Variants in FLT4 observed in about 807,000 individuals in gnomAD.
FLT4 encodes fms related receptor tyrosine kinase 4, also known as vascular endothelial growth factor receptor 3.
A neutral mutation model predicts 163.2 loss-of-function variants in FLT4; 30 were observed. The ratio of observed to expected loss-of-function variants is 0.18; its 90% CI spans 0.14 to 0.25. The LOEUF (loss-of-function observed/expected upper bound fraction) is 0.25, where lower values mean the gene tolerates loss of function less well. Ranked by LOEUF, FLT4 falls within the 10% of genes least tolerant of loss-of-function variation. The pLI is 1.00. For synonymous variants in FLT4, 884 were observed against 789.5 expected (o/e 1.12, Z -2.01); for missense variants, 1,510 against 1,863.8 (o/e 0.81, Z 3.50).
Position 180,626,269 on chromosome 5 carries a change from G to A in FLT4, c.1104-4C>T. ...CAGTGCCTTTCCATCCTTGTACCTG[G>A]CCAGGGAAGGGAGGTCAGGGCCCAT... On this transcript the variant is annotated splice_region_variant and splice_polypyrimidine_tract_variant and intron_variant, in intron 8 of 29. Coordinates refer to ENST00000261937, the MANE Select transcript of FLT4 (RefSeq NM_182925.5). The A allele has an allele frequency of 6.2e-7, 1 of 1,611,606 alleles. No individual in the cohort carries two copies. Among genetic ancestry groups the A allele is most frequent in the Non-Finnish European group, 8.5e-7 (1 of 1,179,968 alleles).
intron 1 of FLT4, among the ~76,000 whole-genome samples, chr5:180,648,195 G>C (rs944666984): frequency 5.9e-5 from 9 of 152,228 alleles, no homozygotes; most frequent in Non-Finnish European, 1.0e-4. Context: ...GGGTCCAGGA[G>C]GGCCAAGGGC....
intron 1 of FLT4, among the ~76,000 whole-genome samples, chr5:180,646,140 G>T (rs913057715): frequency 6.6e-6 from 1 of 152,016 alleles, no homozygotes; most frequent in Non-Finnish European, 1.5e-5. Context: ...ATCTGGCCGG[G>T]TGCATCAGCT....
At chr5:180,610,105 C>T in intron 27 of FLT4, 80 bp from the exon 28 acceptor site, 1 of 1,602,250 alleles carries the variant, frequency 6.2e-7, no homozygotes, top group Middle Eastern at 1.7e-4. Context: ...CCCTGTGCCC[C>T]CTCTTCTCCT....
chr5:180,609,772 C>T, intron 28 of FLT4, 133 bp downstream of exon 28: 1 of 1,120,716 alleles, frequency 8.9e-7, no homozygotes, highest in Non-Finnish European at 1.3e-6. Flanking sequence ...GCCCAAGGCT[C>T]ACCCTGGACT....
chr5:180,619,230 C>G, intron 19 of FLT4, 23 bp downstream of exon 19: 1 of 1,558,562 alleles, frequency 6.4e-7, no homozygotes, highest in South Asian at 1.2e-5. Flanking sequence ...TCTCGCCGTC[C>G]CAGCGGGCCG....
intron 21 of FLT4, 68 bp downstream of exon 21, chr5:180,618,702 G>GTTACCCTA (rs1762866217): frequency 1.3e-5 from 20 of 1,538,182 alleles, no homozygotes; most frequent in Non-Finnish European, 1.8e-5. Context: ...CCCAGGCTGG[G>GTTACCCTA]GTGCCTGATC....
chr5:180,620,245 G>A lies in FLT4; in HGVS notation c.2470C>T (p.Leu824=), dbSNP rs796052104. 6.2e-7 allele frequency: 1 copy of A among 1,612,146 alleles called. No homozygotes were observed. Among genetic ancestry groups the A allele is most frequent in the Non-Finnish European group, 8.5e-7 (1 of 1,179,978 alleles). ...SIIMDPGEVP[L]EEQCEYLSYD... is the part of the protein sequence containing the mutation. ...GACAGGTATTCGCATTGCTCCTCCA[G>A]AGGCACCTCCCCGGGGTCCATGATG... The change falls in exon 17 of 30, where the codon CTG becomes TTG. Residue 824 remains leucine, a synonymous_variant. Transcript: ENST00000261937. The surrounding 1 kb of genome is among the most constrained non-coding windows in gnomAD (Gnocchi z 4.4).
intron 8 of FLT4, among the ~76,000 whole-genome samples, chr5:180,628,477 T>C (rs1316061897): frequency 6.6e-6 from 1 of 152,186 alleles, no homozygotes; most frequent in African/African-American, 2.4e-5. Flanking sequence ...CATCTCCAAA[T>C]TTCTGGACAG....
rs1763041174 is a variant in FLT4, at chr5:180,620,505, G to C, written c.2406+104C>G. ...GCAGGGAGGCTTCCCAGGAAACAAGGCTGCCAGGTGAACTAGGGCGGGCAC... is the reference window on the plus strand; with the variant it reads ...GCAGGGAGGCTTCCCAGGAAACAAGCCTGCCAGGTGAACTAGGGCGGGCAC... On this transcript the variant is annotated intron_variant, in intron 16 of 29. Transcript: ENST00000261937. This position sits in a 1 kb window ranked among gnomAD's most constrained non-coding sequence, Gnocchi z 4.4. The C allele has an allele frequency of 2.5e-6, 3 of 1,190,890 alleles. No homozygotes were observed. In the East Asian group the frequency reaches 7.3e-5, roughly 29 times the overall value. The allele number at this position is 1,190,890 out of a possible 1,614,324, so 73.8% of individuals were successfully genotyped here. A position where few individuals can be genotyped will look rare whatever the true frequency, so the allele number is the denominator to read the frequency against.
At chr5:180,617,019 C>T (rs763309455) in intron 21 of FLT4, 25 bp from the exon 22 acceptor site, 32 of 1,573,426 alleles carry the variant, frequency 2.0e-5, no homozygotes, top group Non-Finnish European at 2.5e-5. Flanking sequence ...CAGGTGGGCT[C>T]AGGAGGCGCC....
chr5:180,622,627 A>T, intron 12 of FLT4, 104 bp downstream of exon 12: 1 of 743,078 alleles, frequency 1.3e-6, no homozygotes, highest in Non-Finnish European at 2.4e-6. Context: ...TAGGCCTTGG[A>T]TCTCTCTCCT....
rs2127839839 is a variant in FLT4, at chr5:180,630,953, G to A, written c.156-154C>T. 6.6e-6 allele frequency among the ~76,000 whole-genome samples: 1 copy of A among 152,176 alleles called. No individual in the cohort carries two copies. The highest frequency in any genetic ancestry group is 6.5e-5 in the Admixed American group (1 of 15,294). Reference sequence around the variant, plus strand: ...GCGCACACTACAGACCGTGCCCAGGGCAGGGCACTCCCCGACCCCCGGGCC... The same window carrying A: ...GCGCACACTACAGACCGTGCCCAGGACAGGGCACTCCCCGACCCCCGGGCC... On this transcript the variant is annotated intron_variant, in intron 2 of 29. Coordinates refer to ENST00000261937, the MANE Select transcript of FLT4 (RefSeq NM_182925.5). This position sits in a 1 kb window ranked among gnomAD's most constrained non-coding sequence, Gnocchi z 6.3.
chr5:180,630,913 C>G lies in FLT4; in HGVS notation c.156-114G>C, dbSNP rs1764070116. 11 of 1,311,514 alleles carry G rather than the reference C, an allele frequency of 8.4e-6. 1 individual carries two copies. The South Asian group carries it at 1.6e-4, about 19-fold the overall frequency. The allele number at this position is 1,311,514 out of a possible 1,614,324, so 81.2% of individuals were successfully genotyped here. The stretch of plus-strand genomic sequence containing the variant: ...GGTTTGTCTTACCCAGAGCATGGAA[C>G]TGCCCAGGGTTTGGGCGCACACTAC... On this transcript the variant is annotated intron_variant, in intron 2 of 29. Transcript: ENST00000261937. This position sits in a 1 kb window ranked among gnomAD's most constrained non-coding sequence, Gnocchi z 6.3.
At chr5:180,614,247 G>A in intron 23 of FLT4, 68 bp from the exon 24 acceptor site, 1 of 1,049,434 alleles carries the variant, frequency 9.5e-7, no homozygotes, top group Non-Finnish European at 1.5e-6. Context: ...TCCCGTGGTG[G>A]ATGGGGAGAC....
intron 24 of FLT4, 190 bp from the exon 25 acceptor site, chr5:180,613,300 C>G (rs941961479): frequency 3.6e-6 from 2 of 548,910 alleles, no homozygotes; most frequent in African/African-American, 3.8e-5. Context: ...GCTGCCCTCC[C>G]CAGCTCTAGT....
chr5:180,634,846 A>G (rs1205818690), intron 1 of FLT4, among the ~76,000 whole-genome samples: 2 of 61,098 alleles, frequency 3.3e-5, no homozygotes, highest in Admixed American at 1.7e-4. Flanking sequence ...GGATGCATGG[A>G]TGGATGGAAG....
chr5:180,644,997 A>C (rs935482985), intron 1 of FLT4, among the ~76,000 whole-genome samples: 1 of 152,210 alleles, frequency 6.6e-6, no homozygotes, highest in African/African-American at 2.4e-5. Context: ...AGGGTGGGCG[A>C]AAGGCCATGG....
rs1172685620 is a variant in FLT4, at chr5:180,619,009, C to G, written c.2850+12G>C. Reference sequence around the variant, plus strand: ...CCCGCCGCCCGCGGCGCCCCGCAGGCCGCCCGCTCACCGCGCAGGGGCTGA... The same window carrying G: ...CCCGCCGCCCGCGGCGCCCCGCAGGGCGCCCGCTCACCGCGCAGGGGCTGA... On this transcript the variant is annotated intron_variant, in intron 20 of 29. Transcript: ENST00000261937. 2.6e-6 allele frequency: 4 copies of G among 1,547,444 alleles called. No individual in the cohort carries two copies. The Admixed American group carries it at 6.0e-5, about 23-fold the overall frequency.
rs961306998 is a variant in FLT4 at position 180,636,845 on chromosome 5, C to G, written c.59-5067G>C. Among the ~76,000 whole-genome samples the G allele has an allele frequency of 9.2e-5, 14 of 152,062 alleles. 1 individual carries two copies. The highest frequency in any genetic ancestry group is 5.2e-4 in the Admixed American group (8 of 15,270). On this transcript the variant is annotated intron_variant, in intron 1 of 29. Coordinates refer to ENST00000261937, the MANE Select transcript of FLT4 (RefSeq NM_182925.5). The surrounding 1 kb of genome is among the most constrained non-coding windows in gnomAD (Gnocchi z 4.3). ...CCTTGGTGCCCTCCCGGTGCTGCCC[C>G]GTCCTGGTGCGTGGGGTCCGCAGCC... is the stretch of plus-strand genomic sequence containing the variant.
Sources: gnomAD v4.1 joint callset for allele counts (sites outside exome capture counted in the v4.1 genomes callset) on GRCh38, gnomAD v4.1.1 for gene constraint, Gnocchi (gnomAD v3.1) non-coding constraint, MANE v1.5 for transcripts, NCBI Gene and HGNC (gene_info 2026-07-23, HGNC 2026-07-21) for gene names.